LDB2: variants seen among roughly 807,000 people sequenced by gnomAD.
LDB2 encodes the protein LIM domain binding 2, also known as LIM domain-binding protein 2.
A neutral mutation model predicts 44.3 loss-of-function variants in LDB2; 12 were observed. The observed-to-expected ratio is 0.27, with a 90% CI of 0.17 to 0.44. The LOEUF (loss-of-function observed/expected upper bound fraction) is 0.44, where lower values mean the gene tolerates loss of function less well. Ranked by LOEUF, LDB2 falls within the 20% of genes least tolerant of loss-of-function variation. The probability of loss-of-function intolerance (pLI) is 1.00; values close to 1 mark genes in which losing one functional copy is unlikely to be tolerated. For missense variants in LDB2, 344 were observed against 473.5 expected (o/e 0.73, Z 2.54); for synonymous variants, 164 against 174.8 (o/e 0.94, Z 0.49).
intron 5 of LDB2, among the ~76,000 whole-genome samples, chr4:16,563,960 G>C (rs1743533229): frequency 6.6e-6 from 1 of 152,106 alleles, no homozygotes; most frequent in Non-Finnish European, 1.5e-5. Flanking sequence ...TAGTAAAATA[G>C]AATAAATACT....
At chr4:16,891,299 G>GTT (rs1723294134) in intron 1 of LDB2, among the ~76,000 whole-genome samples, 1 of 130,182 alleles carries the variant, frequency 7.7e-6, no homozygotes, top group Non-Finnish European at 1.6e-5. Context: ...GGAATCTTAA[G>GTT]TATTCTTTTT....
intron 1 of LDB2, among the ~76,000 whole-genome samples, chr4:16,850,947 A>AGTGTGTGTGTGTGTGTGTGTGTGTGT (rs71181193): frequency 7.0e-6 from 1 of 143,072 alleles, no homozygotes; most frequent in African/African-American, 2.7e-5. Flanking sequence ...TAAAACCATA[A>AGTGTGTGTGTGTGTGTGTGTGTGTGT]GTGTGTGTGT....
chr4:16,830,980 C>T (rs936691895), intron 1 of LDB2, among the ~76,000 whole-genome samples: 1 of 152,116 alleles, frequency 6.6e-6, no homozygotes, highest in African/African-American at 2.4e-5. Flanking sequence ...GTGCGGATCT[C>T]ATGGAAATGC....
intron 2 of LDB2, among the ~76,000 whole-genome samples, chr4:16,686,267 C>T (rs1485374968): frequency 6.6e-6 from 1 of 152,206 alleles, no homozygotes; most frequent in Non-Finnish European, 1.5e-5. Context: ...AACCTACATC[C>T]TAAGAGATGG....
chr4:16,613,059 A>T (rs1726137276), intron 2 of LDB2, among the ~76,000 whole-genome samples: 1 of 151,998 alleles, frequency 6.6e-6, no homozygotes, highest in South Asian at 2.1e-4. Flanking sequence ...TATGCAACAT[A>T]TGCAAATCAA....
At chr4:16,703,542 C>T (rs570673488) in intron 2 of LDB2, among the ~76,000 whole-genome samples, 8 of 152,268 alleles carry the variant, frequency 5.3e-5, no homozygotes, top group African/African-American at 1.2e-4. Context: ...TGTCTACTGC[C>T]GATTGGCTGT....
chr4:16,543,277 G>A (rs1734542842), intron 5 of LDB2, among the ~76,000 whole-genome samples: 1 of 152,010 alleles, frequency 6.6e-6, no homozygotes, highest in African/African-American at 2.4e-5. Flanking sequence ...TAATCCTTTG[G>A]GTATATACCC....
rs554454627 is a variant in LDB2 at position 16,693,839 on chromosome 4, G to A, written c.235+65319C>T. ...CAATGCTGACACTAGCCAGAATGGG[G>A]AAGAATTCCAGGAATTCCAGGGGAG... On this transcript the variant is annotated intron_variant, in intron 2 of 7. Transcript: ENST00000304523. Among the ~76,000 whole-genome samples the A allele has an allele frequency of 1.1e-4, 16 of 152,288 alleles. No homozygotes were observed. The South Asian group carries it at 3.1e-3, about 30-fold the overall frequency.
intron 2 of LDB2, among the ~76,000 whole-genome samples, chr4:16,708,583 CA>C (rs1298407490): frequency 6.6e-6 from 1 of 152,120 alleles, no homozygotes; most frequent in Non-Finnish European, 1.5e-5. Flanking sequence ...CTTCAGCCAA[CA>C]ACAATCATGG....
Position 16,502,310 on chromosome 4 carries a change from C to T in LDB2, c.*333G>A, listed in dbSNP as rs1258255216. 4 of 283,774 alleles carry T rather than the reference C, an allele frequency of 1.4e-5. No homozygotes were observed. The highest frequency in any genetic ancestry group is 1.4e-4 in the East Asian group (2 of 13,924). 17.6% of individuals were successfully genotyped at this position (283,774 alleles called of 1,614,324 possible). ...GAGCATTTATGGACAATATGGCCTT[C>T]GTTTGATGCATAAAAAGGAAATTCA... is the stretch of plus-strand genomic sequence containing the variant. On this transcript the variant is annotated 3_prime_UTR_variant, in exon 8 of 8. Coordinates refer to ENST00000304523, the MANE Select transcript of LDB2 (RefSeq NM_001290.5).
chr4:16,712,290 A>C (rs1228232891), intron 2 of LDB2, among the ~76,000 whole-genome samples: 1 of 152,218 alleles, frequency 6.6e-6, no homozygotes, highest in African/African-American at 2.4e-5. Flanking sequence ...TACAAGGCTC[A>C]AGCCTGTAAT....
chr4:16,550,044 T>TA (rs1234538723), intron 5 of LDB2, among the ~76,000 whole-genome samples: 4 of 152,316 alleles, frequency 2.6e-5, no homozygotes, highest in South Asian at 2.1e-4. Context: ...CAGGAATTCT[T>TA]AAACAATGTG....
chr4:16,840,642 G>A (rs1199647575), intron 1 of LDB2, among the ~76,000 whole-genome samples: 2 of 152,158 alleles, frequency 1.3e-5, no homozygotes, highest in Admixed American at 1.3e-4. Context: ...TTTAAATTCT[G>A]GCTCAGTCCC....
At chr4:16,658,397 T>C (rs1412376531) in intron 2 of LDB2, among the ~76,000 whole-genome samples, 3 of 152,204 alleles carry the variant, frequency 2.0e-5, no homozygotes, top group African/African-American at 7.2e-5. Context: ...TTTATGTGCA[T>C]CGTGGCTAAA....
chr4:16,502,605 C>A lies in LDB2; in HGVS notation c.*38G>T. On this transcript the variant is annotated 3_prime_UTR_variant, in exon 8 of 8. Transcript: ENST00000304523. ...AAGATTTGCAATTGTAATGATCACCCACGGGCCTATTGACAGTGGATTCTG... is the reference window on the plus strand; with the variant it reads ...AAGATTTGCAATTGTAATGATCACCAACGGGCCTATTGACAGTGGATTCTG... 6.2e-7 allele frequency: 1 copy of A among 1,607,280 alleles called. No individual in the cohort carries two copies. Among genetic ancestry groups the A allele is most frequent in the African/African-American group, 1.3e-5 (1 of 74,892 alleles).
At chr4:16,738,972 A>T (rs1762416105) in intron 2 of LDB2, among the ~76,000 whole-genome samples, 1 of 152,210 alleles carries the variant, frequency 6.6e-6, no homozygotes. Flanking sequence ...TCATTCTGGA[A>T]TATGCCTCAA....
chr4:16,898,573 A>G lies in LDB2; in HGVS notation c.-88T>C, dbSNP rs2110592141. The G allele has an allele frequency of 2.2e-6, 3 of 1,364,580 alleles. No homozygotes were observed. Among genetic ancestry groups the G allele is most frequent in the East Asian group, 4.8e-5 (2 of 41,430 alleles). 84.5% of individuals were successfully genotyped at this position (1,364,580 alleles called of 1,614,324 possible). ...GGCTGTGTTCTTCCCAGTACAAAGT[A>G]GACGCACGCACACACGCTCACACAC... On this transcript the variant is annotated 5_prime_UTR_variant, in exon 1 of 8. Coordinates refer to ENST00000304523, the MANE Select transcript of LDB2 (RefSeq NM_001290.5).
intron 1 of LDB2, among the ~76,000 whole-genome samples, chr4:16,761,519 C>T (rs993334497): frequency 1.3e-5 from 2 of 152,196 alleles, no homozygotes; most frequent in Non-Finnish European, 2.9e-5. Flanking sequence ...TTCAGTCCTG[C>T]AGGTAACACT....
intron 5 of LDB2, among the ~76,000 whole-genome samples, chr4:16,543,388 A>G (rs1734582053): frequency 6.6e-6 from 1 of 152,232 alleles, no homozygotes; most frequent in Non-Finnish European, 1.5e-5. Context: ...CAGTCCCACC[A>G]ACAGTGTAAA....
Sources: allele counts gnomAD v4.1 joint callset (sites outside exome capture counted in the v4.1 genomes callset), GRCh38; gene constraint gnomAD v4.1.1; transcripts MANE v1.5; gene names NCBI Gene and HGNC (gene_info 2026-07-23, HGNC 2026-07-21).